The following ALDH1L1 variants were observed in gnomAD, a reference collection of about 807,000 sequenced individuals.
ALDH1L1 encodes aldehyde dehydrogenase 1 family member L1, also known as cytosolic 10-formyltetrahydrofolate dehydrogenase.
A neutral mutation model predicts 101.1 loss-of-function variants in ALDH1L1; 68 were observed. The observed-to-expected ratio is 0.67, with a 90% CI of 0.55 to 0.82. ALDH1L1 has a LOEUF of 0.82. ALDH1L1 is among the 40% of genes least tolerant of loss of function. ALDH1L1 has a pLI of 0.00. For synonymous variants in ALDH1L1, 486 were observed against 470.8 expected (o/e 1.03, Z -0.42); for missense variants, 1,087 against 1,172.7 (o/e 0.93, Z 1.07).
chr3:126,180,352 C>T (rs2081451625), intron 1 of ALDH1L1, 124 bp downstream of exon 1: 1 of 728,166 alleles, frequency 1.4e-6, no homozygotes, highest in Non-Finnish European at 1.7e-6. Context: ...ATGGGCCCCG[C>T]AGGAGCCCTT....
At chr3:126,188,092 A>G (rs963920137) in intron 1 of ALDH1L1, among the ~76,000 whole-genome samples, 1 of 152,208 alleles carries the variant, frequency 6.6e-6, no homozygotes, top group Non-Finnish European at 1.5e-5. Flanking sequence ...TCAGCATTGT[A>G]TCTCACTTGA....
At chr3:126,173,650 C>T (rs531150347) in intron 1 of ALDH1L1, among the ~76,000 whole-genome samples, 1 of 152,254 alleles carries the variant, frequency 6.6e-6, no homozygotes, top group African/African-American at 2.4e-5. Context: ...CCAATTAAAA[C>T]ATGTGACTAT....
rs1219835372 is a variant in ALDH1L1, at chr3:126,112,784, C to G, written c.2179G>C (p.Val727Leu). ...GCAGACCCTGGGGCAGGACTTACCA[C>G]TCTCCGCACGAACTCATCATGAATG... Reference protein sequence around the residue: ...DSIHDEFVRRVVEEVRKMKVG... With the variant: ...DSIHDEFVRRLVEEVRKMKVG... Residue 727 changes from valine to leucine, a missense_variant and splice_region_variant, in exon 19 of 23, where the codon GTG (valine) becomes CTG (leucine). Physicochemically the swap from Val to Leu is conservative, Grantham distance 32. Transcript: ENST00000393434. 1.9e-6 allele frequency: 3 copies of G among 1,613,056 alleles called. No homozygotes were observed. Among genetic ancestry groups the G allele is most frequent in the Non-Finnish European group, 2.5e-6 (3 of 1,179,976 alleles).
At chr3:126,104,279 T>A (rs886471589) in intron 22 of ALDH1L1, 1 of 194,386 alleles carries the variant, frequency 5.1e-6, no homozygotes, top group African/African-American at 2.3e-5. Context: ...TTGGCAGTGC[T>A]ATGTGGCTGG....
rs2276725 is a variant in ALDH1L1 at position 126,135,473 on chromosome 3, C to T, written c.1472+62G>A. 38 of 1,569,546 alleles carry T rather than the reference C, an allele frequency of 2.4e-5. No individual in the cohort carries two copies. The East Asian group carries it at 9.0e-4, about 37-fold the overall frequency. ...TAAAAGGGCCTCCACAGAAGTCCCCCCCGTGCCACTGCCCAGAAGCTGATG... is the reference window on the plus strand; with the variant it reads ...TAAAAGGGCCTCCACAGAAGTCCCCTCCGTGCCACTGCCCAGAAGCTGATG... On this transcript the variant is annotated intron_variant, in intron 12 of 22. Coordinates refer to ENST00000393434, the MANE Select transcript of ALDH1L1 (RefSeq NM_012190.4).
intron 14 of ALDH1L1, chr3:126,128,591 A>T (rs2080234654): frequency 6.6e-6 from 1 of 152,242 alleles, no homozygotes; most frequent in Non-Finnish European, 1.5e-5. Flanking sequence ...CCAGGCAGAG[A>T]CCATTAGTTC....
intron 14 of ALDH1L1, 29 bp downstream of exon 14, chr3:126,130,194 G>A (rs760400845): frequency 6.3e-7 from 1 of 1,586,676 alleles, no homozygotes; most frequent in Non-Finnish European, 8.6e-7. Context: ...GCACCGCGAG[G>A]CTGCACCTCG....
intron 16 of ALDH1L1, among the ~76,000 whole-genome samples, chr3:126,120,112 A>G (rs2080049572): frequency 6.6e-6 from 1 of 152,228 alleles, no homozygotes; most frequent in Non-Finnish European, 1.5e-5. Flanking sequence ...ATGATCCAGC[A>G]ACTGTGCTCC....
Position 126,158,649 on chromosome 3 carries a change from G to C in ALDH1L1, c.128-10C>G, listed in dbSNP as rs372795101. 41 of 1,605,532 alleles carry C rather than the reference G, an allele frequency of 2.6e-5. No individual in the cohort carries two copies. Among genetic ancestry groups the C allele is most frequent in the Non-Finnish European group, 3.4e-5 (40 of 1,172,978 alleles). ...TTCTCAGCTTCCAGACCTGTGGGAC[G>C]GTGGATAAGAAACTGGCCCCTCTCC... On this transcript the variant is annotated splice_polypyrimidine_tract_variant and intron_variant, in intron 2 of 22. Coordinates refer to ENST00000393434, the MANE Select transcript of ALDH1L1 (RefSeq NM_012190.4).
chr3:126,141,204 G>A (rs1443603172), intron 9 of ALDH1L1, among the ~76,000 whole-genome samples: 2 of 151,990 alleles, frequency 1.3e-5, no homozygotes, highest in African/African-American at 4.8e-5. Flanking sequence ...TGCTGCAAGA[G>A]GATATAACAA....
intron 1 of ALDH1L1, among the ~76,000 whole-genome samples, chr3:126,197,486 T>C (rs1026326685): frequency 1.3e-5 from 2 of 152,226 alleles, no homozygotes; most frequent in African/African-American, 4.8e-5. Flanking sequence ...GACCAGTTCC[T>C]TTCTGACCCA....
intron 1 of ALDH1L1, among the ~76,000 whole-genome samples, chr3:126,176,908 G>A (rs1239614663): frequency 1.3e-5 from 2 of 152,088 alleles, no homozygotes; most frequent in Admixed American, 6.5e-5. Context: ...TAAATTAACC[G>A]ACATTCACAA....
chr3:126,196,354 T>C (rs2081581986), intron 1 of ALDH1L1, among the ~76,000 whole-genome samples: 1 of 150,122 alleles, frequency 6.7e-6, no homozygotes, highest in African/African-American at 2.5e-5. Flanking sequence ...CCATTTCCAA[T>C]GCCTGGGATT....
At chr3:126,184,950 T>C (rs2081505092), upstream of ALDH1L1, among the ~76,000 whole-genome samples, 1 of 152,176 alleles carries the variant, frequency 6.6e-6, no homozygotes, top group Non-Finnish European at 1.5e-5. Context: ...CAGATGCTTC[T>C]ACCCTGCCTC....
upstream of ALDH1L1, among the ~76,000 whole-genome samples, chr3:126,185,570 G>A (rs2081510906): frequency 6.6e-6 from 1 of 152,116 alleles, no homozygotes; most frequent in African/African-American, 2.4e-5. Context: ...GAGAATGTAA[G>A]AATGATGCAT....
intron 16 of ALDH1L1, among the ~76,000 whole-genome samples, chr3:126,123,686 TA>T (rs1434850174): frequency 7.3e-6 from 1 of 136,228 alleles, no homozygotes; most frequent in Non-Finnish European, 1.6e-5. Flanking sequence ...AAGGGAATAA[TA>T]AAAGCAAGGG....
chr3:126,121,044 G>A (rs1163454624), intron 16 of ALDH1L1, among the ~76,000 whole-genome samples: 1 of 152,154 alleles, frequency 6.6e-6, no homozygotes, highest in Non-Finnish European at 1.5e-5. Context: ...GAGGTCACTG[G>A]GGTGGGCCCT....
chr3:126,142,319 G>A (rs571435815), intron 9 of ALDH1L1, among the ~76,000 whole-genome samples: 61 of 152,318 alleles, frequency 4.0e-4, no homozygotes, highest in Middle Eastern at 3.4e-3. Flanking sequence ...AAACTGAGAA[G>A]AGAACACATC....
chr3:126,103,930 C>T, intron 22 of ALDH1L1, 84 bp from the exon 23 acceptor site: 2 of 1,488,968 alleles, frequency 1.3e-6, no homozygotes, highest in South Asian at 1.2e-5. Flanking sequence ...TCCTCAGCAA[C>T]CACGTGGGGG....
Sources: gnomAD v4.1 joint callset for allele counts (sites outside exome capture counted in the v4.1 genomes callset) on GRCh38, gnomAD v4.1.1 for gene constraint, MANE v1.5 for transcripts, NCBI Gene and HGNC (gene_info 2026-07-23, HGNC 2026-07-21) for gene names.